The following CYTH3 variants were observed in gnomAD, a reference collection of about 807,000 sequenced individuals.
CYTH3 encodes cytohesin-3.
CYTH3 carries 23 observed loss-of-function variants against 55.1 expected under a neutral mutation model. That is an observed-to-expected ratio of 0.42 (90% CI 0.30 to 0.59). The LOEUF is 0.59. CYTH3 is among the 20% of genes least tolerant of loss of function. The pLI, the probability that CYTH3 is intolerant of heterozygous loss-of-function variation, is 0.20. For synonymous variants in CYTH3, 249 were observed against 194.9 expected, an observed-to-expected ratio of 1.28 and a Z score of -2.31; for missense variants, 413 against 524.8, an observed-to-expected ratio of 0.79 and a Z score of 2.08.
chr7:6,268,249 C>G (rs528702450), intron 1 of CYTH3, among the ~76,000 whole-genome samples: 1 of 152,186 alleles, frequency 6.6e-6, no homozygotes, highest in Non-Finnish European at 1.5e-5. Flanking sequence ...CTCACCGCAA[C>G]CTGCACCTCC....
At position 6,184,130 on chromosome 7, in the gene CYTH3, G is replaced by C. The variant is rs559894116; in HGVS notation, c.249+2920C>G. ...GGCTGGAGTGCAGGGGCGGAATCTC[G>C]GCTTACTGCAAGCTCCACCTCCCGG... On this transcript the variant is annotated intron_variant, in intron 4 of 12. Coordinates refer to ENST00000350796, the MANE Select transcript of CYTH3 (RefSeq NM_004227.4). 5.4e-5 allele frequency among the ~76,000 whole-genome samples: 7 copies of C among 128,976 alleles called. No individual in the cohort carries two copies. The South Asian group carries it at 1.5e-3, about 28-fold the overall frequency. 84.6% of individuals were successfully genotyped at this position (128,976 alleles called of 152,430 possible).
At chr7:6,259,894 G>A (rs1309573283) in intron 1 of CYTH3, among the ~76,000 whole-genome samples, 1 of 131,620 alleles carries the variant, frequency 7.6e-6, no homozygotes, top group African/African-American at 3.1e-5. Flanking sequence ...GCAATGGCGT[G>A]ATCTCGGCTC....
intron 1 of CYTH3, among the ~76,000 whole-genome samples, chr7:6,217,417 A>C (rs2128550647): frequency 6.6e-6 from 1 of 152,340 alleles, no homozygotes; most frequent in South Asian, 2.1e-4. Flanking sequence ...AAAAGAAAGC[A>C]GGTGTGGCTA....
At chr7:6,188,495 G>A (rs534414660) in intron 2 of CYTH3, among the ~76,000 whole-genome samples, 20 of 152,174 alleles carry the variant, frequency 1.3e-4, no homozygotes, top group Admixed American at 3.9e-4. Context: ...GCTGAGGCTC[G>A]GGTGTGTTTA....
intron 1 of CYTH3, among the ~76,000 whole-genome samples, chr7:6,193,879 C>T (rs999605189): frequency 6.6e-6 from 1 of 152,198 alleles, no homozygotes; most frequent in African/African-American, 2.4e-5. Flanking sequence ...AAGCCGCCTT[C>T]TCCACTGGGC....
At position 6,170,911 on chromosome 7, in the gene CYTH3, A is replaced by G. The variant is rs757344781; in HGVS notation, c.630T>C (p.Arg210=). 2.5e-6 allele frequency: 4 copies of G among 1,613,984 alleles called. No homozygotes were observed. In the South Asian group the frequency reaches 4.4e-5, roughly 18 times the overall value. ...LNTSLHNHNV[R]DKPTAERFIA... is the part of the protein sequence containing the mutation. Reference sequence around the variant, plus strand: ...TGAACCGTTCTGCCGTGGGCTTGTCACGCACGTTGTGGTTGTGGAGGCTGG... The same window carrying G: ...TGAACCGTTCTGCCGTGGGCTTGTCGCGCACGTTGTGGTTGTGGAGGCTGG... Residue 210 remains arginine (R), a synonymous_variant, in exon 8 of 13, where the codon CGT becomes CGC. Coordinates refer to ENST00000350796, the MANE Select transcript of CYTH3 (RefSeq NM_004227.4). The surrounding 1 kb of genome is among the most constrained non-coding windows in gnomAD (Gnocchi z 7.8).
chr7:6,187,470 G>C (rs917778828), intron 3 of CYTH3, among the ~76,000 whole-genome samples, 187 bp downstream of exon 3: 3 of 152,192 alleles, frequency 2.0e-5, no homozygotes. Flanking sequence ...GGAGGCAATG[G>C]GAGGTAACAT....
intron 1 of CYTH3, among the ~76,000 whole-genome samples, chr7:6,250,787 C>T (rs952643210): frequency 6.6e-6 from 1 of 152,112 alleles, no homozygotes; most frequent in African/African-American, 2.4e-5. Flanking sequence ...ATACTAAAAG[C>T]CATTCAATTG....
At chr7:6,233,039 A>G (rs1367085760) in intron 1 of CYTH3, among the ~76,000 whole-genome samples, 1 of 152,148 alleles carries the variant, frequency 6.6e-6, no homozygotes, top group South Asian at 2.1e-4. Context: ...GCCTCCTGGT[A>G]TCACAGGATT....
intron 1 of CYTH3, among the ~76,000 whole-genome samples, chr7:6,199,909 C>G (rs917173168): frequency 6.6e-6 from 1 of 152,174 alleles, no homozygotes; most frequent in Admixed American, 6.5e-5. Context: ...TGGTTAACAT[C>G]ATTTGATGGT....
chr7:6,200,528 T>A (rs1784034940), intron 1 of CYTH3, among the ~76,000 whole-genome samples: 1 of 152,240 alleles, frequency 6.6e-6, no homozygotes, highest in South Asian at 2.1e-4. Context: ...TCTCTTACCC[T>A]TAAGTTTACC....
At chr7:6,188,949 C>G (rs1783728459) in intron 2 of CYTH3, 1 of 152,252 alleles carries the variant, frequency 6.6e-6, no homozygotes, top group South Asian at 2.1e-4. Flanking sequence ...TATTCAGGAC[C>G]CTATTATATG....
chr7:6,227,682 A>G (rs1032656270), intron 1 of CYTH3, among the ~76,000 whole-genome samples: 1 of 152,220 alleles, frequency 6.6e-6, no homozygotes, highest in Admixed American at 6.5e-5. Context: ...AAAGGGAAGC[A>G]TTTACAACAA....
chr7:6,170,195 C>T lies in CYTH3; in HGVS notation c.823+340G>A, dbSNP rs184690280. 1 of 274,396 alleles carries T rather than the reference C, an allele frequency of 3.6e-6. No individual in the cohort carries two copies. Among genetic ancestry groups the T allele is most frequent in the Non-Finnish European group, 6.9e-6 (1 of 145,190 alleles). 17.0% of individuals were successfully genotyped at this position (274,396 alleles called of 1,614,324 possible). On this transcript the variant is annotated intron_variant, in intron 9 of 12. Transcript: ENST00000350796. The surrounding 1 kb of genome is among the most constrained non-coding windows in gnomAD (Gnocchi z 7.8). ...CCACGCGTCAAAAATCACAGCCACA[C>T]CAAACCGAGAGAGGCACACAGGCTC...
intron 1 of CYTH3, among the ~76,000 whole-genome samples, chr7:6,227,577 G>C (rs1041144858): frequency 1.8e-4 from 27 of 152,142 alleles, no homozygotes; most frequent in African/African-American, 6.5e-4. Context: ...ATCAAAACGA[G>C]GATGCCACTA....
chr7:6,243,757 G>C (rs1434181779), intron 1 of CYTH3, among the ~76,000 whole-genome samples: 1 of 152,036 alleles, frequency 6.6e-6, no homozygotes, highest in Non-Finnish European at 1.5e-5. Flanking sequence ...GGTCAGAGGT[G>C]GTATTTTAAT....
At chr7:6,268,640 T>C (rs1018848221) in intron 1 of CYTH3, among the ~76,000 whole-genome samples, 3 of 152,232 alleles carry the variant, frequency 2.0e-5, no homozygotes, top group Non-Finnish European at 2.9e-5. Context: ...CTTGTACCTA[T>C]GTTATCTCAC....
Position 6,169,095 on chromosome 7 carries a change from G to T in CYTH3, c.823+1440C>A, listed in dbSNP as rs1026326052. ...TACAACTCCCCTAAACCTCGGTACAGCCAGAAAAAAGTCAAAGAGCAATGG... is the reference window on the plus strand; with the variant it reads ...TACAACTCCCCTAAACCTCGGTACATCCAGAAAAAAGTCAAAGAGCAATGG... On this transcript the variant is annotated intron_variant, in intron 9 of 12. Coordinates refer to ENST00000350796, the MANE Select transcript of CYTH3 (RefSeq NM_004227.4). The surrounding 1 kb of genome is among the most constrained non-coding windows in gnomAD (Gnocchi z 4.1). 9.2e-5 allele frequency among the ~76,000 whole-genome samples: 14 copies of T among 152,216 alleles called. No homozygotes were observed. The highest frequency in any genetic ancestry group is 3.4e-4 in the African/African-American group (14 of 41,454).
chr7:6,175,411 T>C (rs1387187220), intron 5 of CYTH3, among the ~76,000 whole-genome samples: 2 of 152,176 alleles, frequency 1.3e-5, no homozygotes, highest in East Asian at 1.9e-4. Flanking sequence ...CCCACTGAAA[T>C]TGTCTTGGTA....
Sources: gnomAD v4.1 joint callset for allele counts (sites outside exome capture counted in the v4.1 genomes callset) on GRCh38, gnomAD v4.1.1 for gene constraint, Gnocchi (gnomAD v3.1) non-coding constraint, MANE v1.5 for transcripts, NCBI Gene and HGNC (gene_info 2026-07-23, HGNC 2026-07-21) for gene names.